The following CFDP1 variants were observed in gnomAD, a reference collection of about 807,000 sequenced individuals.
CFDP1 encodes the protein heterochromatin-stabilizing protein CFDP1.
In CFDP1, 31 loss-of-function variants were observed where a neutral mutation model predicts 40.1. That is an observed-to-expected ratio of 0.77 (90% CI 0.58 to 1.04). The LOEUF (loss-of-function observed/expected upper bound fraction) is 1.04, where lower values mean the gene tolerates loss of function less well. Among genes scored for constraint, CFDP1 ranks in the 50% least tolerant of loss-of-function variants. The probability of loss-of-function intolerance (pLI) is 0.00; values close to 1 mark genes in which losing one functional copy is unlikely to be tolerated. For synonymous variants in CFDP1, 167 were observed against 120.0 expected, an observed-to-expected ratio of 1.39 and a Z score of -2.56; for missense variants, 423 against 343.4, an observed-to-expected ratio of 1.23 and a Z score of -1.83.
chr16:75,321,423 T>C (rs561317212), intron 5 of CFDP1, among the ~76,000 whole-genome samples: 16 of 152,326 alleles, frequency 1.1e-4, no homozygotes, highest in African/African-American at 3.8e-4. Flanking sequence ...TTATATCCAG[T>C]AGCAGTTACT....
chr16:75,430,381 G>C (rs1185351827), intron 1 of CFDP1, among the ~76,000 whole-genome samples: 1 of 152,076 alleles, frequency 6.6e-6, no homozygotes, highest in Non-Finnish European at 1.5e-5. Flanking sequence ...ATGTTGGCCA[G>C]ACTGGTCTCC....
rs191113602 is a variant in CFDP1, at chr16:75,332,239, C to T, written c.651-27057G>A. ...CAGCACTTTGGGAGGCCGAGGTGGG[C>T]GGATCACCTGAGGTCAGGAGTTCGA... is the stretch of plus-strand genomic sequence containing the variant. On this transcript the variant is annotated intron_variant, in intron 5 of 6. Coordinates refer to ENST00000283882, the MANE Select transcript of CFDP1 (RefSeq NM_006324.3). 5.7e-3 allele frequency among the ~76,000 whole-genome samples: 868 copies of T among 152,108 alleles called. 10 individuals carry two copies. Among genetic ancestry groups the T allele is most frequent in the African/African-American group, 0.019 (784 of 41,488 alleles).
chr16:75,348,524 A>C (rs2078586004), intron 5 of CFDP1, among the ~76,000 whole-genome samples: 1 of 152,224 alleles, frequency 6.6e-6, no homozygotes, highest in African/African-American at 2.4e-5. Flanking sequence ...TGAATGGGAA[A>C]GAAATGCTCA....
intron 1 of CFDP1, among the ~76,000 whole-genome samples, chr16:75,429,578 G>C (rs778559082): frequency 6.6e-6 from 1 of 152,176 alleles, no homozygotes; most frequent in Non-Finnish European, 1.5e-5. Context: ...GCTCAAACCC[G>C]GGAGGTGGAG....
chr16:75,422,822 G>A (rs1019415027), intron 1 of CFDP1, among the ~76,000 whole-genome samples: 5 of 151,892 alleles, frequency 3.3e-5, no homozygotes, highest in African/African-American at 1.2e-4. Flanking sequence ...CTCCAGCCTG[G>A]GTGACGGAGC....
chr16:75,418,401 GT>G (rs1165762868), intron 1 of CFDP1, among the ~76,000 whole-genome samples: 2 of 148,660 alleles, frequency 1.3e-5, no homozygotes, highest in African/African-American at 4.9e-5. Flanking sequence ...CGCCTCCCGG[GT>G]TTTACGCCAT....
At chr16:75,429,318 C>T (rs1206107863) in intron 1 of CFDP1, among the ~76,000 whole-genome samples, 2 of 152,180 alleles carry the variant, frequency 1.3e-5, no homozygotes, top group South Asian at 2.1e-4. Context: ...CAATCAATTA[C>T]GCCTGAGGGG....
intron 5 of CFDP1, among the ~76,000 whole-genome samples, chr16:75,351,755 T>C (rs1434320088): frequency 6.6e-6 from 1 of 151,746 alleles, no homozygotes. Context: ...CGCCTGTAAT[T>C]CCAGCACTTT....
chr16:75,378,075 G>A (rs1339730667), intron 5 of CFDP1, among the ~76,000 whole-genome samples: 2 of 152,154 alleles, frequency 1.3e-5, no homozygotes, highest in Non-Finnish European at 2.9e-5. Flanking sequence ...AGGAAAGGCT[G>A]AGGGAATACC....
chr16:75,320,485 G>T (rs1009111890), intron 5 of CFDP1, among the ~76,000 whole-genome samples: 2 of 152,130 alleles, frequency 1.3e-5, no homozygotes, highest in African/African-American at 4.8e-5. Context: ...ACTAAAGTAG[G>T]GCAGACCCTT....
intron 5 of CFDP1, among the ~76,000 whole-genome samples, chr16:75,336,017 A>G (rs8052555): frequency 3.9e-5 from 6 of 152,114 alleles, no homozygotes; most frequent in Non-Finnish European, 8.8e-5. Flanking sequence ...AGGGGATGAA[A>G]ATAATCTAAA....
chr16:75,387,140 CTTT>C (rs11303354), intron 5 of CFDP1, among the ~76,000 whole-genome samples: 209 of 128,466 alleles, frequency 1.6e-3, no homozygotes, highest in Non-Finnish European at 1.6e-3. Context: ...TCTTTTCTTT[CTTT>C]TTTTTTTTTT....
At chr16:75,390,706 T>G (rs2078941108) in intron 5 of CFDP1, among the ~76,000 whole-genome samples, 1 of 152,166 alleles carries the variant, frequency 6.6e-6, no homozygotes, top group African/African-American at 2.4e-5. Context: ...AAGAAACAGA[T>G]CTGGGTATTT....
chr16:75,296,487 G>A (rs2078183242), intron 6 of CFDP1, among the ~76,000 whole-genome samples: 1 of 151,908 alleles, frequency 6.6e-6, no homozygotes, highest in African/African-American at 2.4e-5. Flanking sequence ...TCCTCACCTT[G>A]GCCTCCCAAG....
At chr16:75,372,011 C>T (rs557680826) in intron 5 of CFDP1, among the ~76,000 whole-genome samples, 8 of 152,290 alleles carry the variant, frequency 5.3e-5, no homozygotes, top group African/African-American at 1.9e-4. Flanking sequence ...ATTCTCAAAA[C>T]AGCTCTATGA....
intron 5 of CFDP1, among the ~76,000 whole-genome samples, chr16:75,330,566 G>T (rs1364627472): frequency 1.3e-5 from 2 of 152,174 alleles, no homozygotes; most frequent in Non-Finnish European, 2.9e-5. Flanking sequence ...TCCAGCCTGG[G>T]CAACAAGAGT....
At chr16:75,426,254 G>C (rs1205634420) in intron 1 of CFDP1, among the ~76,000 whole-genome samples, 2 of 152,008 alleles carry the variant, frequency 1.3e-5, no homozygotes, top group Admixed American at 6.6e-5. Context: ...GGAGGCTGAG[G>C]CAGGAGAATC....
At position 75,433,379 on chromosome 16, in the gene CFDP1, C is replaced by T. The variant is rs531077549; in HGVS notation, c.-27G>A. 32 of 1,574,836 alleles carry T rather than the reference C, an allele frequency of 2.0e-5. No homozygotes were observed. Among genetic ancestry groups the T allele is most frequent in the Middle Eastern group, 1.8e-4 (1 of 5,590 alleles). On this transcript the variant is annotated 5_prime_UTR_variant, in exon 1 of 7. Transcript: ENST00000283882. The stretch of plus-strand genomic sequence containing the variant: ...TTGCTGCCGCTCGACGCTGGTCAAA[C>T]TCACAAGACCGCAGCAGCCGCCTCC...
intron 5 of CFDP1, among the ~76,000 whole-genome samples, chr16:75,384,155 G>A (rs1184907634): frequency 3.3e-5 from 5 of 152,082 alleles, no homozygotes; most frequent in African/African-American, 1.2e-4. Context: ...CTGAGGTCAG[G>A]AGAGCAGCCT....
Sources: gnomAD v4.1 joint callset for allele counts (sites outside exome capture counted in the v4.1 genomes callset) on GRCh38, gnomAD v4.1.1 for gene constraint, MANE v1.5 for transcripts, NCBI Gene and HGNC (gene_info 2026-07-23, HGNC 2026-07-21) for gene names.